The following KLHL8 variants were observed in gnomAD, a reference collection of about 807,000 sequenced individuals.
The protein encoded by KLHL8 is kelch-like protein 8.
Under a neutral mutation model 63.5 loss-of-function variants are expected in KLHL8, and 38 were observed. That is an observed-to-expected ratio of 0.60 (90% CI 0.46 to 0.78). The LOEUF (loss-of-function observed/expected upper bound fraction) is 0.78, where lower values mean the gene tolerates loss of function less well. Ranked by LOEUF, KLHL8 falls within the 30% of genes least tolerant of loss-of-function variation. KLHL8 has a pLI of 0.00. For synonymous variants in KLHL8, 224 were observed against 254.3 expected, an observed-to-expected ratio of 0.88 and a Z score of 1.13; for missense variants, 566 against 752.4, an observed-to-expected ratio of 0.75 and a Z score of 2.90.
chr4:87,165,864 C>T (rs62306544), intron 8 of KLHL8, among the ~76,000 whole-genome samples: 6,238 of 152,210 alleles, frequency 0.041, 186 homozygotes, highest in South Asian at 0.059. Context: ...TTTTCTTATT[C>T]AAATCAGTTG....
Position 87,161,504 on chromosome 4 carries a change from A to G in KLHL8, c.*2015T>C, listed in dbSNP as rs1196459969. On this transcript the variant is annotated 3_prime_UTR_variant, in exon 10 of 10. Transcript: ENST00000273963. ...AAAAACCAGAAATGAAAATATAATA[A>G]CCCTTATAACTCCTTACATATAAGA... 6.6e-6 allele frequency: 1 copy of G among 152,196 alleles called. No individual in the cohort carries two copies. Among genetic ancestry groups the G allele is most frequent in the Non-Finnish European group, 1.5e-5 (1 of 68,030 alleles). The allele number at this position is 152,196 out of a possible 1,614,324, so 9.4% of individuals were successfully genotyped here. A position where few individuals can be genotyped will look rare whatever the true frequency, so the allele number is the denominator to read the frequency against.
chr4:87,213,891 A>G (rs1355074102), intron 1 of KLHL8, among the ~76,000 whole-genome samples: 1 of 152,200 alleles, frequency 6.6e-6, no homozygotes, highest in Non-Finnish European at 1.5e-5. Flanking sequence ...AGAGCTAGAC[A>G]GTTTTGGGAT....
At chr4:87,187,749 T>C (rs987725594) in intron 2 of KLHL8, among the ~76,000 whole-genome samples, 4 of 152,166 alleles carry the variant, frequency 2.6e-5, no homozygotes, top group Non-Finnish European at 4.4e-5. Flanking sequence ...CTGGAAGTTT[T>C]TGGTACTGAG....
intron 1 of KLHL8, among the ~76,000 whole-genome samples, chr4:87,214,516 CAAAG>C (rs1732526605): frequency 6.9e-6 from 1 of 145,140 alleles, no homozygotes; most frequent in African/African-American, 2.5e-5. Context: ...TGGGATAACT[CAAAG>C]AGGTAAAATT....
chr4:87,220,680 C>G (rs1399435687), upstream of KLHL8: 5 of 151,900 alleles, frequency 3.3e-5, no homozygotes, highest in South Asian at 8.3e-4. Context: ...TTCTCGGGAC[C>G]TCCTCCCCGA....
chr4:87,184,817 T>C (rs939556207), intron 3 of KLHL8, among the ~76,000 whole-genome samples: 4 of 152,188 alleles, frequency 2.6e-5, no homozygotes, highest in Non-Finnish European at 4.4e-5. Context: ...AGTGATGTCC[T>C]ATGGTTGTTT....
chr4:87,237,761 AGG>A (rs1348972417), intron 1 of KLHL8, among the ~76,000 whole-genome samples: 1 of 152,188 alleles, frequency 6.6e-6, no homozygotes, highest in Non-Finnish European at 1.5e-5. Flanking sequence ...TGGGAGGCAG[AGG>A]TTGCAGTGGC....
At chr4:87,165,149 CAAAAAAA>C (rs71660120) in intron 8 of KLHL8, among the ~76,000 whole-genome samples, 2 of 34,144 alleles carry the variant, frequency 5.9e-5, no homozygotes, top group African/African-American at 2.5e-4. Context: ...GACTCTGTCT[CAAAAAAA>C]AAAAAAAAAA....
At chr4:87,192,694 T>C (rs944875052) in intron 2 of KLHL8, among the ~76,000 whole-genome samples, 1 of 152,160 alleles carries the variant, frequency 6.6e-6, no homozygotes, top group South Asian at 2.1e-4. Flanking sequence ...TTTATCATTG[T>C]GCAAATATCA....
chr4:87,176,573 A>G (rs939488721), intron 6 of KLHL8, among the ~76,000 whole-genome samples, 184 bp downstream of exon 6: 22 of 152,366 alleles, frequency 1.4e-4, no homozygotes, highest in African/African-American at 5.3e-4. Context: ...ACATGACTGC[A>G]TTTTTAATTC....
At position 87,179,143 on chromosome 4, in the gene KLHL8, C is replaced by T. The variant is rs556391142; in HGVS notation, c.953-523G>A. On this transcript the variant is annotated intron_variant, in intron 4 of 9. Transcript: ENST00000273963. ...CTATATCATAACACCTTCCTATATACATTTCTAAGCCACATCTCCACTTGA... is the reference window on the plus strand; with the variant it reads ...CTATATCATAACACCTTCCTATATATATTTCTAAGCCACATCTCCACTTGA... 3.3e-5 allele frequency among the ~76,000 whole-genome samples: 5 copies of T among 152,270 alleles called. No homozygotes were observed. The East Asian group carries it at 7.7e-4, about 24-fold the overall frequency.
intron 1 of KLHL8, among the ~76,000 whole-genome samples, chr4:87,235,160 G>A (rs1578413675): frequency 6.6e-6 from 1 of 152,292 alleles, no homozygotes; most frequent in East Asian, 1.9e-4. Context: ...ATAGTGTACA[G>A]TAATGTCCTA....
intron 8 of KLHL8, among the ~76,000 whole-genome samples, chr4:87,168,797 C>T (rs1730519557): frequency 2.5e-5 from 1 of 39,624 alleles, no homozygotes; most frequent in Non-Finnish European, 5.8e-5. Flanking sequence ...TATATATACA[C>T]ACATATATAT....
intron 9 of KLHL8, 104 bp from the exon 10 acceptor site, chr4:87,163,746 G>T: frequency 6.5e-7 from 1 of 1,543,722 alleles, no homozygotes; most frequent in Non-Finnish European, 8.9e-7. Flanking sequence ...TTGTAGGACA[G>T]CAAGCTTCCA....
rs1213426356 is a variant in KLHL8, at chr4:87,163,922, A to G, written c.1695T>C (p.Asn565=). ...KIFAVGGHNG[N]AYLNTVEAFD... ...ACGCTTCTACTGTATTTAAGTATGC[A>G]TTGCCATTATGACCACCAACTGCAA... Residue 565 remains asparagine, a synonymous_variant, in exon 9 of 10, where the codon AAT becomes AAC. Transcript: ENST00000273963. The G allele has an allele frequency of 1.2e-6, 2 of 1,614,164 alleles. No individual in the cohort carries two copies. The highest frequency in any genetic ancestry group is 1.1e-5 in the South Asian group (1 of 91,082).
chr4:87,234,602 T>C (rs1733195328), intron 1 of KLHL8, among the ~76,000 whole-genome samples: 1 of 152,234 alleles, frequency 6.6e-6, no homozygotes, highest in Non-Finnish European at 1.5e-5. Flanking sequence ...GTATAGCAGA[T>C]ACAATTATGT....
intron 8 of KLHL8, among the ~76,000 whole-genome samples, chr4:87,168,482 GA>G (rs34552891): frequency 0.13 from 19,293 of 151,934 alleles, 2,425 homozygotes; most frequent in African/African-American, 0.32. Flanking sequence ...AGACAAGAAA[GA>G]ATAGAAAAGA....
intron 5 of KLHL8, among the ~76,000 whole-genome samples, chr4:87,177,552 T>TAA (rs1730877551): frequency 2.0e-5 from 3 of 151,356 alleles, no homozygotes; most frequent in Non-Finnish European, 4.4e-5. Context: ...TATATATATA[T>TAA]AAACTGTGCA....
At chr4:87,187,719 A>G (rs2109998997) in intron 2 of KLHL8, among the ~76,000 whole-genome samples, 1 of 152,176 alleles carries the variant, frequency 6.6e-6, no homozygotes, top group East Asian at 1.9e-4. Context: ...TATGTTTTAC[A>G]CTTAAATTTT....
Sources: gnomAD v4.1 joint callset for allele counts (sites outside exome capture counted in the v4.1 genomes callset) on GRCh38, gnomAD v4.1.1 for gene constraint, MANE v1.5 for transcripts, NCBI Gene and HGNC (gene_info 2026-07-23, HGNC 2026-07-21) for gene names.